GPC5: variants seen among roughly 807,000 people sequenced by gnomAD.
GPC5 encodes the protein glypican-5.
Under a neutral mutation model 53.9 loss-of-function variants are expected in GPC5, and 47 were observed. The ratio of observed to expected loss-of-function variants is 0.87; its 90% confidence interval spans 0.69 to 1.11. The LOEUF is 1.11. Ranked by LOEUF, GPC5 falls within the 50% of genes most tolerant of loss-of-function variation. The probability of loss-of-function intolerance (pLI) is 0.00; values close to 1 mark genes in which losing one functional copy is unlikely to be tolerated. For synonymous variants in GPC5, 286 were observed against 263.3 expected (o/e 1.09, Z -0.84); for missense variants, 748 against 713.1 (o/e 1.05, Z -0.56).
chr13:91,688,449 T>A (rs2035669639), intron 2 of GPC5, among the ~76,000 whole-genome samples: 2 of 152,206 alleles, frequency 1.3e-5, no homozygotes, highest in South Asian at 4.1e-4. Flanking sequence ...TTTAGGTAAT[T>A]CAATTAACTG....
intron 7 of GPC5, among the ~76,000 whole-genome samples, chr13:92,745,045 T>A (rs1161537034): frequency 6.6e-6 from 1 of 152,048 alleles, no homozygotes; most frequent in African/African-American, 2.4e-5. Context: ...TTATAAAAAA[T>A]TTTGAGTGAT....
intron 6 of GPC5, among the ~76,000 whole-genome samples, chr13:92,055,965 A>T (rs943243): frequency 0.52 from 79,702 of 151,932 alleles, 21,507 homozygotes; most frequent in East Asian, 0.79. Flanking sequence ...ATTAGTTTAA[A>T]TTTTTTTCTA....
At chr13:91,719,798 T>C (rs140616189) in intron 3 of GPC5, among the ~76,000 whole-genome samples, 10 of 152,052 alleles carry the variant, frequency 6.6e-5, no homozygotes, top group Non-Finnish European at 1.2e-4. Context: ...CTTTATCTTA[T>C]GGAAATGTTC....
chr13:91,595,556 T>G (rs2032963761), intron 2 of GPC5, among the ~76,000 whole-genome samples: 1 of 152,210 alleles, frequency 6.6e-6, no homozygotes, highest in Non-Finnish European at 1.5e-5. Flanking sequence ...TTCTCTTTCC[T>G]CTTGTGTTTT....
intron 6 of GPC5, among the ~76,000 whole-genome samples, chr13:92,110,594 C>T (rs2041549361): frequency 6.6e-6 from 1 of 151,474 alleles, no homozygotes; most frequent in South Asian, 2.1e-4. Flanking sequence ...TTGGTACTTG[C>T]CATTTAGTAG....
At chr13:92,747,072 T>C (rs563432611) in intron 7 of GPC5, among the ~76,000 whole-genome samples, 1 of 152,248 alleles carries the variant, frequency 6.6e-6, no homozygotes, top group East Asian at 1.9e-4. Context: ...AAAGGTACAG[T>C]TATACAATCT....
At chr13:92,843,150 T>A (rs7329664) in intron 7 of GPC5, among the ~76,000 whole-genome samples, 14,790 of 152,176 alleles carry the variant, frequency 0.097, 1,277 homozygotes, top group African/African-American at 0.23. Context: ...TAATATTATA[T>A]ACTTCTATGT....
At chr13:92,512,043 C>T (rs2138953607) in intron 7 of GPC5, among the ~76,000 whole-genome samples, 1 of 152,250 alleles carries the variant, frequency 6.6e-6, no homozygotes, top group East Asian at 1.9e-4. Flanking sequence ...GGGAAAGAAG[C>T]AAAATAGCTC....
In GPC5 at chr13:92,666,931, CCTT is replaced by C. The variant is rs1417455179; in HGVS notation, c.1562-199348_1562-199346del. On this transcript the variant is annotated intron_variant, in intron 7 of 7. Transcript: ENST00000377067. Reference sequence around the variant, plus strand: ...TCAGGAAGGGATCTCATTTGTCACTCCTTCTCGGCATTTGGTTCTATTCCATTC... The same window carrying C: ...TCAGGAAGGGATCTCATTTGTCACTCCTCGGCATTTGGTTCTATTCCATTC... Among the ~76,000 whole-genome samples, 5 of 152,264 alleles carry C rather than the reference CCTT, an allele frequency of 3.3e-5. No individual in the cohort carries two copies. The East Asian group carries it at 9.6e-4, about 29-fold the overall frequency.
At chr13:92,088,236 C>A (rs2041351314) in intron 6 of GPC5, among the ~76,000 whole-genome samples, 1 of 152,202 alleles carries the variant, frequency 6.6e-6, no homozygotes, top group Admixed American at 6.5e-5. Context: ...CCACTCCTTT[C>A]ACTCAAAGTA....
intron 7 of GPC5, among the ~76,000 whole-genome samples, chr13:92,473,219 C>T (rs1371187303): frequency 6.6e-6 from 1 of 151,998 alleles, no homozygotes; most frequent in African/African-American, 2.4e-5. Context: ...TTATTTATTG[C>T]TAGTACCTCA....
intron 7 of GPC5, among the ~76,000 whole-genome samples, chr13:92,548,666 A>C (rs1859333154): frequency 6.6e-6 from 1 of 152,078 alleles, no homozygotes; most frequent in Admixed American, 6.6e-5. Flanking sequence ...AAAAGTTTAA[A>C]ACTATCCCCA....
At chr13:91,798,016 G>A (rs1470911718) in intron 5 of GPC5, among the ~76,000 whole-genome samples, 1 of 152,180 alleles carries the variant, frequency 6.6e-6, no homozygotes, top group Non-Finnish European at 1.5e-5. Flanking sequence ...GCTTTTCTAA[G>A]TAACTGACAT....
intron 7 of GPC5, among the ~76,000 whole-genome samples, chr13:92,731,394 G>A (rs563455745): frequency 1.9e-4 from 29 of 151,402 alleles, no homozygotes; most frequent in East Asian, 3.9e-4. Flanking sequence ...GTATATAAAC[G>A]TGAAATAATG....
At chr13:92,095,780 G>A (rs1308547448) in intron 6 of GPC5, among the ~76,000 whole-genome samples, 6 of 152,034 alleles carry the variant, frequency 3.9e-5, no homozygotes, top group East Asian at 1.9e-4. Flanking sequence ...TGATCTGCCC[G>A]CATCAGCCTC....
At chr13:91,870,041 T>C (rs2039126920) in intron 5 of GPC5, among the ~76,000 whole-genome samples, 1 of 152,150 alleles carries the variant, frequency 6.6e-6, no homozygotes, top group Non-Finnish European at 1.5e-5. Context: ...AATATTAGTA[T>C]AACATGACTT....
chr13:91,426,469 C>T lies in GPC5; in HGVS notation c.164-22292C>T, dbSNP rs528236968. ...GACTCACACAATCACAAGGTGAAGT[C>T]CCACAGTAGGCCATCTGCAAACTGA... On this transcript the variant is annotated intron_variant, in intron 1 of 7. Transcript: ENST00000377067. Among the ~76,000 whole-genome samples the T allele has an allele frequency of 5.9e-5, 9 of 152,220 alleles. No homozygotes were observed. The East Asian group carries it at 1.4e-3, about 23-fold the overall frequency.
At chr13:92,848,014 G>A (rs959254317) in intron 7 of GPC5, among the ~76,000 whole-genome samples, 1 of 152,074 alleles carries the variant, frequency 6.6e-6, no homozygotes, top group East Asian at 1.9e-4. Context: ...AGTGAGTCCC[G>A]AAGGCGACTC....
intron 7 of GPC5, among the ~76,000 whole-genome samples, chr13:92,369,013 A>G (rs549005180): frequency 1.3e-5 from 2 of 152,298 alleles, no homozygotes; most frequent in South Asian, 2.1e-4. Context: ...GGTATTTGTC[A>G]AGGTAATGTT....
Sources: gnomAD v4.1 joint callset for allele counts (sites outside exome capture counted in the v4.1 genomes callset) on GRCh38, gnomAD v4.1.1 for gene constraint, MANE v1.5 for transcripts, NCBI Gene and HGNC (gene_info 2026-07-23, HGNC 2026-07-21) for gene names.